Variants in DLG2 observed in about 807,000 individuals in gnomAD.
DLG2 encodes the protein disks large homolog 2.
DLG2 carries 45 observed loss-of-function variants against 132.5 expected under a neutral mutation model. That is an observed-to-expected ratio of 0.34 (90% confidence interval 0.27 to 0.44). DLG2 has a LOEUF of 0.44. Ranked by LOEUF, DLG2 falls within the 20% of genes least tolerant of loss-of-function variation. The pLI, the probability that DLG2 is intolerant of heterozygous loss-of-function variation, is 1.00. For missense variants in DLG2, 1,045 were observed against 1,196.9 expected (o/e 0.87, Z 1.87); for synonymous variants, 424 against 419.6 (o/e 1.01, Z -0.13).
rs977951388 is a variant in DLG2, at chr11:84,534,665, T to C, written c.424A>G (p.Arg142Gly). Reference protein sequence around the residue: ...HSLPRLTHEVRGPELVHVSEK... With the variant: ...HSLPRLTHEVGGPELVHVSEK... Reference sequence around the variant, plus strand: ...GATACATGCACGAGTTCTGGGCCTCTTACTTCGTGGGTTAGTCGAGGTAAG... The same window carrying C: ...GATACATGCACGAGTTCTGGGCCTCCTACTTCGTGGGTTAGTCGAGGTAAG... The change falls in exon 7 of 28, where the codon AGA (arginine) becomes GGA (glycine). Residue 142 changes from arginine (R) to glycine (G), a missense_variant. Around this residue, in one of 4 missense-constraint regions of DLG2, gnomAD observed 277 missense variants for 238.2 expected, o/e 1.16. Transcript: ENST00000376104. 1 of 1,614,084 alleles carries C rather than the reference T, an allele frequency of 6.2e-7. No homozygotes were observed. The highest frequency in any genetic ancestry group is 8.5e-7 in the Non-Finnish European group (1 of 1,179,938).
At chr11:83,778,920 G>A (rs2094696220) in intron 18 of DLG2, among the ~76,000 whole-genome samples, 1 of 152,096 alleles carries the variant, frequency 6.6e-6, no homozygotes, top group African/African-American at 2.4e-5. Context: ...GATACAATAA[G>A]TGAAGAGACT....
intron 6 of DLG2, among the ~76,000 whole-genome samples, chr11:84,616,742 T>C (rs1272782644): frequency 6.6e-6 from 1 of 152,142 alleles, no homozygotes; most frequent in African/African-American, 2.4e-5. Flanking sequence ...GCACTGTCAT[T>C]ATGAAGACAA....
intron 19 of DLG2, among the ~76,000 whole-genome samples, chr11:83,620,869 C>CAAAAAAAAAAAAAAAA (rs56868518): frequency 7.0e-5 from 4 of 57,214 alleles, no homozygotes; most frequent in African/African-American, 4.0e-4. Context: ...GACTCCGTCT[C>CAAAAAAAAAAAAAAAA]AAAAAAAAAA....
At chr11:85,082,633 AG>A (rs1392433803) in intron 6 of DLG2, among the ~76,000 whole-genome samples, 2 of 152,094 alleles carry the variant, frequency 1.3e-5, no homozygotes, top group African/African-American at 4.8e-5. Context: ...GACAGCAAAA[AG>A]GGAAGGAGGA....
chr11:83,497,484 G>A (rs1047781599), intron 21 of DLG2, among the ~76,000 whole-genome samples: 1 of 151,160 alleles, frequency 6.6e-6, no homozygotes, highest in African/African-American at 2.4e-5. Flanking sequence ...GCGGTGAGCC[G>A]AGATCACACC....
chr11:84,476,240 G>A (rs1399053360), intron 7 of DLG2, among the ~76,000 whole-genome samples: 1 of 152,022 alleles, frequency 6.6e-6, no homozygotes, highest in Non-Finnish European at 1.5e-5. Flanking sequence ...CTCCCCAAAT[G>A]GCTTGTGTGC....
intron 3 of DLG2, among the ~76,000 whole-genome samples, chr11:85,502,489 T>C (rs2093827701): frequency 6.6e-6 from 1 of 152,064 alleles, no homozygotes; most frequent in African/African-American, 2.4e-5. Context: ...AATGAGTTCA[T>C]GTCCTTTGCA....
chr11:83,830,959 C>T, intron 17 of DLG2, among the ~76,000 whole-genome samples: 1 of 152,158 alleles, frequency 6.6e-6, no homozygotes, highest in East Asian at 1.9e-4. Flanking sequence ...GAATGTAAGC[C>T]AGGATGATGA....
intron 6 of DLG2, among the ~76,000 whole-genome samples, chr11:84,916,639 G>A (rs1453695555): frequency 6.6e-6 from 1 of 152,102 alleles, no homozygotes; most frequent in Non-Finnish European, 1.5e-5. Flanking sequence ...CTCTGCTCCT[G>A]CCCTTGCTCC....
chr11:85,598,755 T>C lies in DLG2; in HGVS notation c.-59A>G. 3 of 1,441,706 alleles carry C rather than the reference T, an allele frequency of 2.1e-6. No individual in the cohort carries two copies. Among genetic ancestry groups the C allele is most frequent in the Non-Finnish European group, 2.8e-6 (3 of 1,059,434 alleles). The allele number at this position is 1,441,706 out of a possible 1,614,324, so 89.3% of individuals were successfully genotyped here. ...CTCTGGTTTCCTTAATTTTTTGCAGTATTCTTCCAGTAATGATAAAGCTCG... is the reference window on the plus strand; with the variant it reads ...CTCTGGTTTCCTTAATTTTTTGCAGCATTCTTCCAGTAATGATAAAGCTCG... On this transcript the variant is annotated 5_prime_UTR_variant, in exon 3 of 28. In the 5' UTR this introduces an upstream ATG that the reference lacks. Coordinates refer to ENST00000376104, the MANE Select transcript of DLG2 (RefSeq NM_001142699.3).
At chr11:83,595,044 A>G (rs1392178395) in intron 19 of DLG2, among the ~76,000 whole-genome samples, 1 of 152,170 alleles carries the variant, frequency 6.6e-6, no homozygotes, top group African/African-American at 2.4e-5. Flanking sequence ...ATCAATGCAT[A>G]TGGTATAAAA....
chr11:85,140,564 T>A (rs1166227240), intron 5 of DLG2, among the ~76,000 whole-genome samples: 2 of 151,802 alleles, frequency 1.3e-5, no homozygotes, highest in African/African-American at 4.8e-5. Flanking sequence ...GGAACTTATT[T>A]TTTTTTTTGT....
At chr11:83,732,402 A>G (rs1162931227) in intron 18 of DLG2, among the ~76,000 whole-genome samples, 1 of 152,198 alleles carries the variant, frequency 6.6e-6, no homozygotes, top group Admixed American at 6.5e-5. Context: ...CTACCAAGGT[A>G]GCTATTATGC....
chr11:83,863,019 A>C (rs2154052128), intron 16 of DLG2, among the ~76,000 whole-genome samples: 1 of 152,298 alleles, frequency 6.6e-6, no homozygotes. Flanking sequence ...CAGGCATTAA[A>C]TTGTGTGGCA....
intron 11 of DLG2, among the ~76,000 whole-genome samples, chr11:84,004,565 T>G (rs1226519499): frequency 6.6e-6 from 1 of 151,876 alleles, no homozygotes. Flanking sequence ...CAAAAAACTC[T>G]TAGATCTAAT....
chr11:85,147,100 G>T (rs1344874605), intron 5 of DLG2, among the ~76,000 whole-genome samples: 1 of 152,154 alleles, frequency 6.6e-6, no homozygotes, highest in East Asian at 1.9e-4. Context: ...GGGAAGGGTG[G>T]TATAGGCAAT....
chr11:83,649,864 AT>A (rs1460921044), intron 18 of DLG2, among the ~76,000 whole-genome samples: 11 of 152,200 alleles, frequency 7.2e-5, no homozygotes, highest in African/African-American at 2.6e-4. Flanking sequence ...ATATTCCTTA[AT>A]TTTCAAGTCT....
chr11:83,962,999 T>C lies in DLG2; in HGVS notation c.1226A>G (p.His409Arg), dbSNP rs770732545. The C allele has an allele frequency of 5.6e-6, 9 of 1,612,914 alleles. No individual in the cohort carries two copies. Among genetic ancestry groups the C allele is most frequent in the Non-Finnish European group, 2.5e-6 (3 of 1,179,034 alleles). ...THSYSPPMEN[H>R]LLSGNNGTLE... ...AGTGCCATTGTTGCCAGAGAGTAGA[T>C]GGTTTTCCATTGGTGGAGAATAAGC... The change falls in exon 14 of 28, where the codon CAT becomes CGT. Residue 409 changes from histidine (H) to arginine (R), a missense_variant. By Grantham distance (29) the His-to-Arg change is conservative. Coordinates refer to ENST00000376104, the MANE Select transcript of DLG2 (RefSeq NM_001142699.3).
At chr11:84,312,481 C>G (rs756555390) in intron 7 of DLG2, among the ~76,000 whole-genome samples, 1 of 152,060 alleles carries the variant, frequency 6.6e-6, no homozygotes, top group Non-Finnish European at 1.5e-5. Context: ...TCAAAACACA[C>G]AAACAAACGA....
Sources: allele counts gnomAD v4.1 joint callset (sites outside exome capture counted in the v4.1 genomes callset), GRCh38; gene constraint gnomAD v4.1.1; regional missense constraint gnomAD v4.1.1; transcripts MANE v1.5; gene names NCBI Gene and HGNC (gene_info 2026-07-23, HGNC 2026-07-21).